The following TRIM35 variants were observed in gnomAD, a reference collection of about 807,000 sequenced individuals.
TRIM35 encodes the protein tripartite motif containing 35, also known as E3 ubiquitin-protein ligase TRIM35.
A neutral mutation model predicts 49.1 loss-of-function variants in TRIM35; 37 were observed. The observed-to-expected ratio is 0.75, with a 90% confidence interval of 0.58 to 0.99. The LOEUF is 0.99. Among genes scored for constraint, TRIM35 ranks in the 50% least tolerant of loss-of-function variants. The probability of loss-of-function intolerance (pLI) is 0.00; values close to 1 mark genes in which losing one functional copy is unlikely to be tolerated. For synonymous variants in TRIM35, 302 were observed against 289.3 expected (o/e 1.04, Z -0.45); for missense variants, 648 against 702.7 (o/e 0.92, Z 0.88).
chr8:27,288,399 C>A (rs1802383959), intron 5 of TRIM35, among the ~76,000 whole-genome samples: 1 of 152,002 alleles, frequency 6.6e-6, no homozygotes, highest in South Asian at 2.1e-4. Flanking sequence ...AGGAGGGTCC[C>A]CAATCCAATA....
chr8:27,287,425 C>T lies in TRIM35; in HGVS notation c.*125G>A, dbSNP rs747515049. The T allele has an allele frequency of 1.4e-4, 142 of 1,032,698 alleles. No individual in the cohort carries two copies. The highest frequency in any genetic ancestry group is 1.8e-4 in the Non-Finnish European group (133 of 720,678). The allele number at this position is 1,032,698 out of a possible 1,614,324, so 64.0% of individuals were successfully genotyped here. On this transcript the variant is annotated 3_prime_UTR_variant, in exon 6 of 6. Coordinates refer to ENST00000305364, the MANE Select transcript of TRIM35 (RefSeq NM_171982.5). The surrounding 1 kb of genome is among the most constrained non-coding windows in gnomAD (Gnocchi z 6.0). ...CCTGGAGTCATGGAAAAGGACCAGG[C>T]AGGACAGGAGGAAGAGCCTGGCAAG...
chr8:27,298,407 T>TC, intron 2 of TRIM35, 57 bp downstream of exon 2: 1 of 1,545,802 alleles, frequency 6.5e-7, no homozygotes. Context: ...TCTTCACTCC[T>TC]CCCCAGACTG....
At chr8:27,291,229 A>G (rs545412434) in intron 3 of TRIM35, among the ~76,000 whole-genome samples, 35 of 152,258 alleles carry the variant, frequency 2.3e-4, no homozygotes, top group African/African-American at 7.2e-4. Flanking sequence ...GACAACCCAC[A>G]TTAAAAATGG....
chr8:27,300,057 C>T (rs1802651747), intron 1 of TRIM35, among the ~76,000 whole-genome samples: 1 of 152,164 alleles, frequency 6.6e-6, no homozygotes, highest in Admixed American at 6.5e-5. Flanking sequence ...GGATGGTAGC[C>T]AGCTGCCCAT....
At chr8:27,301,456 A>G (rs76128323) in intron 1 of TRIM35, among the ~76,000 whole-genome samples, 1 of 152,354 alleles carries the variant, frequency 6.6e-6, no homozygotes, top group East Asian at 1.9e-4. Context: ...ACCAATTTTT[A>G]CAGCAAGAGC....
intron 4 of TRIM35, 80 bp downstream of exon 4, chr8:27,290,076 T>C: frequency 3.2e-6 from 5 of 1,549,496 alleles, no homozygotes; most frequent in Non-Finnish European, 4.4e-6. Flanking sequence ...GTTACCTGCT[T>C]GCCCCGGGGC....
At chr8:27,295,122 C>A (rs1286577414) in intron 2 of TRIM35, among the ~76,000 whole-genome samples, 1 of 152,118 alleles carries the variant, frequency 6.6e-6, no homozygotes, top group Non-Finnish European at 1.5e-5. Context: ...CTGTGCCCAG[C>A]CTCACAAAAA....
At chr8:27,298,235 G>T (rs553353819) in intron 2 of TRIM35, among the ~76,000 whole-genome samples, 1 of 152,336 alleles carries the variant, frequency 6.6e-6, no homozygotes, top group Admixed American at 6.5e-5. Flanking sequence ...AGCTTTTTAA[G>T]TCACTCCTGT....
intron 2 of TRIM35, among the ~76,000 whole-genome samples, chr8:27,298,188 G>A (rs887900112): frequency 6.6e-6 from 1 of 152,238 alleles, no homozygotes; most frequent in African/African-American, 2.4e-5. Flanking sequence ...AGGTGGCAGT[G>A]ATATGATGCA....
rs1802399930 is a variant in TRIM35 at position 27,289,154 on chromosome 8, C to T, written c.904+8G>A. The T allele has an allele frequency of 6.2e-7, 1 of 1,612,422 alleles. No homozygotes were observed. Among genetic ancestry groups the T allele is most frequent in the African/African-American group, 1.3e-5 (1 of 75,024 alleles). ...ATGCTTGGGACACCTGCCGGCACCC[C>T]CGCTCACCAGATTCCACAGATGCAA... is the stretch of plus-strand genomic sequence containing the variant. On this transcript the variant is annotated splice_region_variant and intron_variant, in intron 5 of 5. Transcript: ENST00000305364.
chr8:27,307,828 C>A (rs1164994224), intron 1 of TRIM35, among the ~76,000 whole-genome samples: 1 of 152,160 alleles, frequency 6.6e-6, no homozygotes, highest in Admixed American at 6.5e-5. Context: ...GATAATAGCA[C>A]CTAACTGTAG....
intron 1 of TRIM35, among the ~76,000 whole-genome samples, chr8:27,307,497 G>A (rs1421073084): frequency 6.6e-6 from 1 of 152,150 alleles, no homozygotes; most frequent in African/African-American, 2.4e-5. Context: ...GGAATGTTGA[G>A]CTGAAACTAT....
intron 1 of TRIM35, among the ~76,000 whole-genome samples, chr8:27,309,680 G>T (rs1802863865): frequency 6.6e-6 from 1 of 152,030 alleles, no homozygotes; most frequent in Non-Finnish European, 1.5e-5. Flanking sequence ...CACATTCTGG[G>T]TAATTTTTAA....
intron 5 of TRIM35, among the ~76,000 whole-genome samples, chr8:27,288,331 G>A (rs1586041876): frequency 6.6e-6 from 1 of 152,146 alleles, no homozygotes; most frequent in Non-Finnish European, 1.5e-5. Flanking sequence ...GTACCTCCGA[G>A]TGTGACCTTA....
chr8:27,304,911 A>G (rs1251957058), intron 1 of TRIM35: 1 of 406,456 alleles, frequency 2.5e-6, no homozygotes, highest in Non-Finnish European at 4.8e-6. Flanking sequence ...CAGTCTCCCA[A>G]ATTTCACGAT....
chr8:27,303,169 CTGAGA>C (rs1331865123), intron 1 of TRIM35, among the ~76,000 whole-genome samples: 3 of 152,136 alleles, frequency 2.0e-5, no homozygotes, highest in Non-Finnish European at 4.4e-5. Context: ...TGTTTTCTCA[CTGAGA>C]TAATTATATT....
At position 27,298,558 on chromosome 8, in the gene TRIM35, G is replaced by A; in HGVS notation, c.437C>T (p.Ala146Val). Residue 146 changes from alanine to valine, a missense_variant and splice_region_variant, in exon 2 of 6, where the codon GCC becomes GTC. Transcript: ENST00000305364. ...PVKDTAHDFR[A>V]KCRNMEHALR... is the part of the protein sequence containing the mutation. ...TGCATGCTCCATGTTCCTGCACTTG[G>A]CCTGACATGGGAATGAGAGAGAGGG... The A allele has an allele frequency of 1.2e-6, 2 of 1,613,952 alleles. No individual in the cohort carries two copies. Among genetic ancestry groups the A allele is most frequent in the Non-Finnish European group, 1.7e-6 (2 of 1,179,816 alleles).
At chr8:27,303,299 T>G (rs774596337) in intron 1 of TRIM35, among the ~76,000 whole-genome samples, 3 of 152,264 alleles carry the variant, frequency 2.0e-5, no homozygotes, top group Non-Finnish European at 2.9e-5. Flanking sequence ...GCCACCTTGT[T>G]CTGAGCTATT....
chr8:27,292,865 A>T (rs1489041873), intron 3 of TRIM35, among the ~76,000 whole-genome samples: 1 of 152,236 alleles, frequency 6.6e-6, no homozygotes, highest in Non-Finnish European at 1.5e-5. Flanking sequence ...AAAGTTGTTA[A>T]TAAAAAATAA....
Sources: allele counts gnomAD v4.1 joint callset (sites outside exome capture counted in the v4.1 genomes callset), GRCh38; gene constraint gnomAD v4.1.1; non-coding constraint Gnocchi (gnomAD v3.1); transcripts MANE v1.5; gene names NCBI Gene and HGNC (gene_info 2026-07-23, HGNC 2026-07-21).